Variants in DIAPH3 observed in about 807,000 individuals in gnomAD.
DIAPH3 encodes the protein protein diaphanous homolog 3.
A neutral mutation model predicts 144.3 loss-of-function variants in DIAPH3; 117 were observed. The ratio of observed to expected loss-of-function variants is 0.81; its 90% CI spans 0.70 to 0.95. The LOEUF (loss-of-function observed/expected upper bound fraction) is 0.95. Among genes scored for constraint, DIAPH3 ranks in the 40% least tolerant of loss-of-function variants. The pLI is 0.00. For missense variants in DIAPH3, 1,421 were observed against 1,412.7 expected (o/e 1.01, Z -0.09); for synonymous variants, 519 against 488.9 (o/e 1.06, Z -0.81).
At chr13:60,083,281 T>C (rs2057626060) in intron 4 of DIAPH3, among the ~76,000 whole-genome samples, 1 of 152,068 alleles carries the variant, frequency 6.6e-6, no homozygotes. Context: ...ATCAATATAT[T>C]GAAAGCTGGC....
intron 22 of DIAPH3, among the ~76,000 whole-genome samples, chr13:59,850,231 G>C (rs901309251): frequency 1.3e-5 from 2 of 151,840 alleles, no homozygotes; most frequent in Non-Finnish European, 2.9e-5. Flanking sequence ...TGAGACGATG[G>C]GGTTTTCTAG....
Position 60,139,429 on chromosome 13 carries a change from T to C in DIAPH3, c.181-6440A>G, listed in dbSNP as rs962224961. Among the ~76,000 whole-genome samples, 4 of 152,134 alleles carry C rather than the reference T, an allele frequency of 2.6e-5. No individual in the cohort carries two copies. In the East Asian group the frequency reaches 7.7e-4, roughly 29 times the overall value. ...TCTGCCAACCTCAGAAAGACAAACA[T>C]ACCATGTATTACTCACTATCCAAAG... On this transcript the variant is annotated intron_variant, in intron 1 of 27. Coordinates refer to ENST00000400324, the MANE Select transcript of DIAPH3 (RefSeq NM_001042517.2).
intron 4 of DIAPH3, among the ~76,000 whole-genome samples, chr13:60,072,702 T>C (rs973264656): frequency 4.6e-5 from 7 of 152,182 alleles, no homozygotes; most frequent in Non-Finnish European, 1.0e-4. Context: ...CCAGACATTA[T>C]TGAAAAAAAG....
At chr13:59,701,810 C>A (rs965462388) in intron 27 of DIAPH3, among the ~76,000 whole-genome samples, 7 of 152,198 alleles carry the variant, frequency 4.6e-5, no homozygotes, top group African/African-American at 1.4e-4. Context: ...TGCATTCTTA[C>A]CACCCTGTAT....
intron 27 of DIAPH3, among the ~76,000 whole-genome samples, chr13:59,690,912 G>A (rs2033483142): frequency 6.6e-6 from 1 of 152,150 alleles, no homozygotes; most frequent in South Asian, 2.1e-4. Context: ...TTATAAATAA[G>A]TGCTAAAATA....
intron 4 of DIAPH3, among the ~76,000 whole-genome samples, chr13:60,046,672 C>T (rs1450819172): frequency 6.6e-6 from 1 of 152,096 alleles, no homozygotes; most frequent in Non-Finnish European, 1.5e-5. Flanking sequence ...CACATGCACA[C>T]GTATGTTTAT....
intron 27 of DIAPH3, among the ~76,000 whole-genome samples, chr13:59,757,909 A>G (rs2037370968): frequency 6.6e-6 from 1 of 152,244 alleles, no homozygotes; most frequent in South Asian, 2.1e-4. Flanking sequence ...CAATGGCAGC[A>G]TTGAAAAATC....
chr13:59,765,843 A>G (rs1308949482), intron 27 of DIAPH3, among the ~76,000 whole-genome samples: 1 of 152,176 alleles, frequency 6.6e-6, no homozygotes, highest in Non-Finnish European at 1.5e-5. Flanking sequence ...TATAAATCCA[A>G]TGGTATCTTA....
At chr13:60,054,410 A>G (rs746355804) in intron 4 of DIAPH3, among the ~76,000 whole-genome samples, 1 of 152,048 alleles carries the variant, frequency 6.6e-6, no homozygotes, top group African/African-American at 2.4e-5. Flanking sequence ...ATAGTGAAAA[A>G]GCTTACGTTC....
intron 27 of DIAPH3, among the ~76,000 whole-genome samples, chr13:59,761,146 A>G (rs2037561287): frequency 6.6e-6 from 1 of 152,166 alleles, no homozygotes; most frequent in Admixed American, 6.5e-5. Flanking sequence ...AAGCATAAAA[A>G]TATTTAGTAT....
Position 60,106,989 on chromosome 13 carries a change from T to C in DIAPH3, c.390+5021A>G, listed in dbSNP as rs183735425. Among the ~76,000 whole-genome samples the C allele has an allele frequency of 9.3e-4, 141 of 152,222 alleles. 2 individuals are homozygous for C. Among genetic ancestry groups the C allele is most frequent in the African/African-American group, 3.3e-3 (138 of 41,556 alleles). On this transcript the variant is annotated intron_variant, in intron 3 of 27. Coordinates refer to ENST00000400324, the MANE Select transcript of DIAPH3 (RefSeq NM_001042517.2). ...CTGAAGAAGATTTTAAAAACATAAC[T>C]GAATGCAACATATGATTCTGAACTA...
At chr13:59,743,890 G>GA (rs2036582369) in intron 27 of DIAPH3, among the ~76,000 whole-genome samples, 1 of 151,928 alleles carries the variant, frequency 6.6e-6, no homozygotes, top group Admixed American at 6.6e-5. Context: ...TTTAATAGAG[G>GA]AAAAAAGTCT....
intron 9 of DIAPH3, among the ~76,000 whole-genome samples, chr13:59,999,674 C>T (rs1007538358): frequency 6.6e-6 from 1 of 152,160 alleles, no homozygotes; most frequent in Non-Finnish European, 1.5e-5. Flanking sequence ...CAAGGATTCC[C>T]CAACAGGCTT....
chr13:59,943,767 T>C (rs762550167), intron 17 of DIAPH3, among the ~76,000 whole-genome samples: 5 of 152,208 alleles, frequency 3.3e-5, no homozygotes, highest in Non-Finnish European at 7.3e-5. Context: ...AATTCTGATA[T>C]TTATTCTATC....
chr13:59,987,451 T>A (rs2051477134), intron 12 of DIAPH3, among the ~76,000 whole-genome samples: 1 of 125,634 alleles, frequency 8.0e-6, no homozygotes, highest in Admixed American at 9.5e-5. Context: ...AATGTGCACA[T>A]GTACCCTAAA....
chr13:59,670,948 A>T (rs954386496), intron 27 of DIAPH3, among the ~76,000 whole-genome samples: 1 of 152,118 alleles, frequency 6.6e-6, no homozygotes, highest in African/African-American at 2.4e-5. Flanking sequence ...TACCCGCCTC[A>T]GCGTCACAAA....
chr13:59,723,404 C>T lies in DIAPH3; in HGVS notation c.3319+50785G>A, dbSNP rs540905087. Among the ~76,000 whole-genome samples the T allele has an allele frequency of 1.3e-3, 203 of 152,210 alleles. 1 individual carries two copies. Among genetic ancestry groups the T allele is most frequent in the African/African-American group, 4.7e-3 (195 of 41,518 alleles). On this transcript the variant is annotated intron_variant, in intron 27 of 27. Coordinates refer to ENST00000400324, the MANE Select transcript of DIAPH3 (RefSeq NM_001042517.2). ...TCCTGCTACGCATCCATCCAACTTT[C>T]CATAAGATGTTATACCCCTGGCTAA...
At chr13:60,143,593 C>T (rs1176199799) in intron 1 of DIAPH3, among the ~76,000 whole-genome samples, 1 of 152,196 alleles carries the variant, frequency 6.6e-6, no homozygotes, top group Non-Finnish European at 1.5e-5. Context: ...CTCAAGGATA[C>T]TCCCAATAGT....
chr13:59,682,666 A>G (rs1254988892), intron 27 of DIAPH3, among the ~76,000 whole-genome samples: 8 of 152,058 alleles, frequency 5.3e-5, no homozygotes, highest in African/African-American at 1.5e-4. Context: ...TATATATAAT[A>G]CTGCATAAAA....
Sources: gnomAD v4.1 joint callset for allele counts (sites outside exome capture counted in the v4.1 genomes callset) on GRCh38, gnomAD v4.1.1 for gene constraint, MANE v1.5 for transcripts, NCBI Gene and HGNC (gene_info 2026-07-23, HGNC 2026-07-21) for gene names.